CRB2: variants seen among roughly 807,000 people sequenced by gnomAD.
CRB2 encodes protein crumbs homolog 2.
Under a neutral mutation model 110.9 loss-of-function variants are expected in CRB2, and 85 were observed. That is an observed-to-expected ratio of 0.77 (90% CI 0.64 to 0.92). The LOEUF (loss-of-function observed/expected upper bound fraction) is 0.92. CRB2 is among the 40% of genes least tolerant of loss of function. The pLI is 0.00. For synonymous variants in CRB2, 907 were observed against 831.0 expected, an observed-to-expected ratio of 1.09 and a Z score of -1.57; for missense variants, 1,843 against 1,851.3, an observed-to-expected ratio of 1.00 and a Z score of 0.08.
chr9:123,367,914 G>A (rs2041961108), intron 6 of CRB2, among the ~76,000 whole-genome samples: 1 of 152,084 alleles, frequency 6.6e-6, no homozygotes, highest in Non-Finnish European at 1.5e-5. Flanking sequence ...GGCTGAGGTT[G>A]TCTGGGAGAA....
Position 123,358,867 on chromosome 9 carries a change from G to T in CRB2, c.94+2513G>T, listed in dbSNP as rs188548425. Among the ~76,000 whole-genome samples, 712 of 152,308 alleles carry T rather than the reference G, an allele frequency of 4.7e-3. 12 individuals are homozygous for T. Among genetic ancestry groups the T allele is most frequent in the Non-Finnish European group, 7.0e-3 (479 of 68,020 alleles). On this transcript the variant is annotated intron_variant, in intron 1 of 12. Transcript: ENST00000373631. ...ATGCAGTGAGCGGTTCCCCACCCCA[G>T]GTTTTGGCATGGAACCCCCAATTTC...
intron 1 of CRB2, among the ~76,000 whole-genome samples, chr9:123,356,676 T>A (rs1170653728): frequency 6.6e-6 from 1 of 151,798 alleles, no homozygotes; most frequent in Non-Finnish European, 1.5e-5. Context: ...CTGTGTTGCA[T>A]CCTGTAAAGG....
intron 12 of CRB2, among the ~76,000 whole-genome samples, chr9:123,375,793 G>A (rs983208720): frequency 1.2e-4 from 19 of 152,150 alleles, no homozygotes; most frequent in Admixed American, 1.2e-3. Context: ...GGCTCGGCCC[G>A]CTGTGCAGGC....
intron 1 of CRB2, among the ~76,000 whole-genome samples, chr9:123,358,721 A>T (rs974131710): frequency 2.6e-5 from 4 of 152,238 alleles, no homozygotes; most frequent in African/African-American, 9.6e-5. Context: ...CCCCAGAGCC[A>T]GTGCTGGGAT....
chr9:123,365,721 G>A (rs1173535701), intron 2 of CRB2, among the ~76,000 whole-genome samples, 196 bp from the exon 3 acceptor site: 2 of 152,156 alleles, frequency 1.3e-5, no homozygotes, highest in Non-Finnish European at 2.9e-5. Context: ...CCCCATGAAG[G>A]CAGGGCTGTC....
intron 1 of CRB2, among the ~76,000 whole-genome samples, chr9:123,358,896 G>C (rs2041829816): frequency 6.6e-6 from 1 of 152,186 alleles, no homozygotes; most frequent in Non-Finnish European, 1.5e-5. Flanking sequence ...CAATTTCAAG[G>C]GAAATTTTAG....
chr9:123,373,725 G>T lies in CRB2; in HGVS notation c.3194G>T (p.Cys1065Phe). The change falls in exon 10 of 13, where the codon TGT (cysteine) becomes TTT (phenylalanine). Residue 1065 changes from cysteine to phenylalanine, a missense_variant. Cys to Phe is a radical substitution (Grantham distance 205). Transcript: ENST00000373631. ...RGAPVCAPSP[C>F]LHDGACRDLF... ...GCGCCCGTGTGTGCGCCCTCGCCCT[G>T]TCTGCACGACGGTGCCTGCCGTGAC... is the stretch of plus-strand genomic sequence containing the variant. The T allele has an allele frequency of 6.4e-7, 1 of 1,566,414 alleles. No individual in the cohort carries two copies. The highest frequency in any genetic ancestry group is 1.8e-5 in the Admixed American group (1 of 56,774).
Position 123,370,834 on chromosome 9 carries a change from A to T in CRB2, c.1781A>T (p.Asp594Val), listed in dbSNP as rs752849694. The T allele has an allele frequency of 6.2e-7, 1 of 1,605,864 alleles. No individual in the cohort carries two copies. The highest frequency in any genetic ancestry group is 1.7e-5 in the Admixed American group (1 of 59,976). The change falls in exon 7 of 13, where the codon GAT becomes GTT. Residue 594 changes from aspartate to valine, a missense_variant. Physicochemically the swap from Asp to Val is radical, Grantham distance 152. Transcript: ENST00000373631. ...GATGGCCACCTCCTGCTGCCTGAGG[A>T]TCTCGGTGAGAACGTCCTCCTGGGC... is the stretch of plus-strand genomic sequence containing the variant. ...RVDGHLLLPE[D>V]LGENVLLGCE...
Position 123,370,548 on chromosome 9 carries a change from A to C in CRB2, c.1495A>C (p.Ser499Arg), listed in dbSNP as rs2041999083. ...AGCCACACTTCAGGCCACACTCTGG[A>C]GCTACAGCACCACTGTGCTTGTCCT... is the stretch of plus-strand genomic sequence containing the variant. ...VAATLQATLW[S>R]YSTTVLVLRL... The change falls in exon 7 of 13, where the codon AGC becomes CGC. Residue 499 changes from serine (S) to arginine (R), a missense_variant. Transcript: ENST00000373631. 1 of 1,613,476 alleles carries C rather than the reference A, an allele frequency of 6.2e-7. No homozygotes were observed.
chr9:123,372,244 C>G lies in CRB2; in HGVS notation c.2504C>G (p.Ala835Gly). The change falls in exon 9 of 13, where the codon GCC (alanine) becomes GGC (glycine). Residue 835 changes from alanine (A) to glycine (G), a missense_variant. Transcript: ENST00000373631. ...TWNDFHCTCPANFTGPTCAQQ... is the reference protein window; with the variant it reads ...TWNDFHCTCPGNFTGPTCAQQ... ...AATGACTTCCACTGTACCTGCCCTG[C>G]CAATTTCACGGGGCCTACGTGTGCC... 6.2e-7 allele frequency: 1 copy of G among 1,614,118 alleles called. No individual in the cohort carries two copies. Among genetic ancestry groups the G allele is most frequent in the Non-Finnish European group, 8.5e-7 (1 of 1,180,000 alleles).
intron 6 of CRB2, chr9:123,369,011 G>A: frequency 8.9e-7 from 1 of 1,125,214 alleles, no homozygotes; most frequent in South Asian, 1.6e-5. Flanking sequence ...GGAAGAGGCT[G>A]TGGTGTTTGT....
At chr9:123,362,556 G>A (rs1412778659) in intron 1 of CRB2, among the ~76,000 whole-genome samples, 1 of 152,178 alleles carries the variant, frequency 6.6e-6, no homozygotes, top group African/African-American at 2.4e-5. Flanking sequence ...AAGGGGGACT[G>A]CAGGGACAAG....
intron 4 of CRB2, among the ~76,000 whole-genome samples, chr9:123,366,843 C>T (rs890973766): frequency 1.1e-4 from 17 of 150,420 alleles, no homozygotes; most frequent in Non-Finnish European, 2.2e-4. Context: ...CCTAGCTACT[C>T]AGGAAGCTGA....
chr9:123,362,262 G>A (rs540172433), intron 1 of CRB2, among the ~76,000 whole-genome samples: 1 of 152,312 alleles, frequency 6.6e-6, no homozygotes, highest in East Asian at 1.9e-4. Context: ...CCCATCTCCA[G>A]TTTCACCCAG....
chr9:123,373,475 ACC>A lies in CRB2; in HGVS notation c.2947_2948del (p.Pro983GlyfsTer9). ...GCTGCTGTGGCTGGATGGTGCCGCC[ACC>A]CCGGTGGCGCTGCGCGGCCTGGCCA... ...RWLLWLDGAATPVALRGLASD... is the reference protein window; with the variant it reads ...RWLLWLDGAAXPVALRGLASD... On this transcript the variant is annotated frameshift_variant, in exon 10 of 13. Transcript: ENST00000373631. LOFTEE classifies it high-confidence loss of function. 6.9e-7 allele frequency: 1 copy of A among 1,451,142 alleles called. No homozygotes were observed. The highest frequency in any genetic ancestry group is 1.4e-5 in the South Asian group (1 of 73,726). 89.9% of individuals were successfully genotyped at this position (1,451,142 alleles called of 1,614,324 possible). A position where few individuals can be genotyped will look rare whatever the true frequency, so the allele number is the denominator to read the frequency against.
rs1006730110 is a variant in CRB2 at position 123,376,967 on chromosome 9, G to A, written c.3763G>A (p.Glu1255Lys). The A allele has an allele frequency of 3.7e-6, 6 of 1,608,268 alleles. No homozygotes were observed. The highest frequency in any genetic ancestry group is 4.2e-6 in the Non-Finnish European group (5 of 1,178,412). ...GGCAGCCCGAAAGCGCCGCCAGTCT[G>A]AGGGCACCTACAGCCCAAGCCAGCA... ...ILAARKRRQS[E>K]GTYSPSQQEV... Residue 1255 changes from glutamate (E) to lysine (K), a missense_variant, in exon 13 of 13, where the codon GAG becomes AAG. Transcript: ENST00000373631.
Position 123,377,088 on chromosome 9 carries a change from C to A in CRB2, c.*26C>A. 6.7e-7 allele frequency: 1 copy of A among 1,502,118 alleles called. No homozygotes were observed. The highest frequency in any genetic ancestry group is 8.9e-7 in the Non-Finnish European group (1 of 1,121,740). 93.0% of individuals were successfully genotyped at this position (1,502,118 alleles called of 1,614,324 possible). ...GCCAGCCTGGCTGCTGGCACCAGCA[C>A]CTGGAGGTCCTGAATGGTTTCTACC... is the stretch of plus-strand genomic sequence containing the variant. On this transcript the variant is annotated 3_prime_UTR_variant, in exon 13 of 13. Transcript: ENST00000373631.
At chr9:123,357,254 T>C (rs1207598964) in intron 1 of CRB2, among the ~76,000 whole-genome samples, 2 of 151,836 alleles carry the variant, frequency 1.3e-5, no homozygotes, top group Non-Finnish European at 2.9e-5. Flanking sequence ...TCCTGGGGGG[T>C]CCAAGGGAAC....
At chr9:123,374,730 C>T in intron 11 of CRB2, 35 bp downstream of exon 11, 1 of 1,475,900 alleles carries the variant, frequency 6.8e-7, no homozygotes, top group Non-Finnish European at 9.4e-7. Context: ...TGAGGAGGTC[C>T]AATGAATGTG....
Sources: gnomAD v4.1 joint callset for allele counts (sites outside exome capture counted in the v4.1 genomes callset) on GRCh38, gnomAD v4.1.1 for gene constraint, MANE v1.5 for transcripts, NCBI Gene and HGNC (gene_info 2026-07-23, HGNC 2026-07-21) for gene names.